Variants in ATP9A observed in about 807,000 individuals in gnomAD.
ATP9A encodes probable phospholipid-transporting ATPase IIA.
Under a neutral mutation model 144.1 loss-of-function variants are expected in ATP9A, and 52 were observed. That is an observed-to-expected ratio of 0.36 (90% CI 0.29 to 0.45). The LOEUF (loss-of-function observed/expected upper bound fraction) is 0.45. ATP9A is among the 20% of genes least tolerant of loss of function. The pLI is 1.00. For missense variants in ATP9A, 947 were observed against 1,392.7 expected (o/e 0.68, Z 5.09); for synonymous variants, 582 against 557.4 (o/e 1.04, Z -0.62).
At chr20:51,743,627 A>T (rs2077794784) in intron 1 of ATP9A, among the ~76,000 whole-genome samples, 1 of 148,000 alleles carries the variant, frequency 6.8e-6, no homozygotes. Context: ...CTGGTCTTGA[A>T]CTACTGACCT....
intron 4 of ATP9A, among the ~76,000 whole-genome samples, chr20:51,709,494 G>A (rs534748403): frequency 2.0e-5 from 3 of 152,130 alleles, no homozygotes; most frequent in Non-Finnish European, 4.4e-5. Context: ...CAGCCTGCGC[G>A]AGGGGGTTCG....
chr20:51,767,937 TATTA>T (rs2077912523), intron 1 of ATP9A, among the ~76,000 whole-genome samples: 1 of 152,224 alleles, frequency 6.6e-6, no homozygotes, highest in Admixed American at 6.5e-5. Flanking sequence ...TTACCTCAGA[TATTA>T]ATTACGGACA....
intron 4 of ATP9A, among the ~76,000 whole-genome samples, chr20:51,712,175 C>T (rs1473993601): frequency 1.3e-5 from 2 of 151,434 alleles, no homozygotes; most frequent in African/African-American, 2.4e-5. Flanking sequence ...CAGGTTCACG[C>T]CATTCTCCTG....
chr20:51,713,264 C>G (rs989381513), intron 3 of ATP9A, among the ~76,000 whole-genome samples, 190 bp from the exon 4 acceptor site: 2 of 152,136 alleles, frequency 1.3e-5, no homozygotes, highest in Non-Finnish European at 2.9e-5. Context: ...AGGGAACATG[C>G]ACTCCCAAAC....
At chr20:51,621,665 G>A (rs1249471922) in intron 19 of ATP9A, among the ~76,000 whole-genome samples, 1 of 152,166 alleles carries the variant, frequency 6.6e-6, no homozygotes, top group East Asian at 1.9e-4. Flanking sequence ...AGATGGACCA[G>A]TATCTGTGGC....
chr20:51,696,239 T>G, intron 5 of ATP9A, 95 bp from the exon 6 acceptor site: 5 of 1,107,442 alleles, frequency 4.5e-6, no homozygotes, highest in Non-Finnish European at 5.4e-6. Context: ...AACCCCTCGG[T>G]GGGTTGGGGC....
At chr20:51,644,278 T>C (rs946626651) in intron 14 of ATP9A, among the ~76,000 whole-genome samples, 19 of 144,104 alleles carry the variant, frequency 1.3e-4, no homozygotes, top group Admixed American at 1.0e-3. Context: ...TTTTTTTTTT[T>C]TTTTTTTTTT....
At chr20:51,654,711 C>T (rs1415341047) in intron 14 of ATP9A, among the ~76,000 whole-genome samples, 1 of 152,130 alleles carries the variant, frequency 6.6e-6, no homozygotes, top group Non-Finnish European at 1.5e-5. Flanking sequence ...ACTACTCCAG[C>T]CTGGGCAACA....
chr20:51,734,800 T>C, intron 1 of ATP9A: 1 of 216,268 alleles, frequency 4.6e-6, no homozygotes, highest in Non-Finnish European at 9.9e-6. Flanking sequence ...ACCAAGGCCC[T>C]GAGTGCACAC....
chr20:51,699,815 G>C (rs1201649465), intron 4 of ATP9A, among the ~76,000 whole-genome samples: 2 of 151,854 alleles, frequency 1.3e-5, no homozygotes, highest in Non-Finnish European at 1.5e-5. Context: ...GCTAATTTTT[G>C]TAGTTTTAGT....
chr20:51,759,173 G>A lies in ATP9A; in HGVS notation c.68+9129C>T, dbSNP rs1368103538. Among the ~76,000 whole-genome samples the A allele has an allele frequency of 3.3e-5, 5 of 152,330 alleles. No individual in the cohort carries two copies. In the East Asian group the frequency reaches 5.8e-4, roughly 18 times the overall value. On this transcript the variant is annotated intron_variant, in intron 1 of 27. Transcript: ENST00000338821. ...GACAGAGAGCACAGCCCCATGGGCC[G>A]CTGCCAAGCTCCACTGTTCTCATCC... is the stretch of plus-strand genomic sequence containing the variant.
chr20:51,746,180 G>C (rs1455598668), intron 1 of ATP9A, among the ~76,000 whole-genome samples: 3 of 152,192 alleles, frequency 2.0e-5, no homozygotes, highest in Non-Finnish European at 2.9e-5. Context: ...TCTATCTGCA[G>C]GTAGAGGGTG....
At chr20:51,753,639 T>C (rs754620900) in intron 1 of ATP9A, among the ~76,000 whole-genome samples, 8 of 151,554 alleles carry the variant, frequency 5.3e-5, no homozygotes, top group Non-Finnish European at 7.4e-5. Flanking sequence ...ATCAGTTTTC[T>C]CTGTTCTCTC....
chr20:51,710,088 G>T (rs1743461563), intron 4 of ATP9A, among the ~76,000 whole-genome samples: 1 of 151,988 alleles, frequency 6.6e-6, no homozygotes, highest in Admixed American at 6.6e-5. Context: ...GATCACCTGA[G>T]GTCAGGAGTT....
intron 13 of ATP9A, among the ~76,000 whole-genome samples, chr20:51,663,921 T>A (rs1422696636): frequency 6.6e-6 from 1 of 152,142 alleles, no homozygotes; most frequent in Non-Finnish European, 1.5e-5. Context: ...TGTGTATATA[T>A]GTTGTGTGTA....
At chr20:51,669,602 T>C (rs541866684) in intron 13 of ATP9A, among the ~76,000 whole-genome samples, 1 of 152,272 alleles carries the variant, frequency 6.6e-6, no homozygotes, top group East Asian at 1.9e-4. Flanking sequence ...AACCAGCAGG[T>C]TCCTTCTGGT....
chr20:51,605,068 C>G lies in ATP9A; in HGVS notation c.2804-48G>C, dbSNP rs142916289. 3 of 1,485,118 alleles carry G rather than the reference C, an allele frequency of 2.0e-6. No homozygotes were observed. In the South Asian group the frequency reaches 4.1e-5, roughly 20 times the overall value. 92.0% of individuals were successfully genotyped at this position (1,485,118 alleles called of 1,614,324 possible). ...TTCCCCTCACCCTCCCTGCGAAAGC[C>G]GTGCGCTGCTCGCCTACACCTGGCT... On this transcript the variant is annotated intron_variant, in intron 26 of 27. Coordinates refer to ENST00000338821, the MANE Select transcript of ATP9A (RefSeq NM_006045.3).
intron 1 of ATP9A, among the ~76,000 whole-genome samples, chr20:51,767,502 A>G (rs1010020058): frequency 1.3e-5 from 2 of 151,872 alleles, no homozygotes; most frequent in Admixed American, 1.3e-4. Flanking sequence ...GAACAGGAAG[A>G]CGGCGAGGCG....
chr20:51,700,247 A>G (rs1211398), intron 4 of ATP9A, among the ~76,000 whole-genome samples: 92,350 of 152,014 alleles, frequency 0.61, 28,304 homozygotes, highest in Middle Eastern at 0.65. Context: ...GAGGCCGGAC[A>G]CAGTGACCCA....
Sources: gnomAD v4.1 joint callset for allele counts (sites outside exome capture counted in the v4.1 genomes callset) on GRCh38, gnomAD v4.1.1 for gene constraint, MANE v1.5 for transcripts, NCBI Gene and HGNC (gene_info 2026-07-23, HGNC 2026-07-21) for gene names.